Variants in HNRNPLL observed in about 807,000 individuals in gnomAD.
HNRNPLL encodes heterogeneous nuclear ribonucleoprotein L-like.
In HNRNPLL, 25 loss-of-function variants were observed where a neutral mutation model predicts 67.1. That is an observed-to-expected ratio of 0.37 (90% CI 0.27 to 0.52). The LOEUF (loss-of-function observed/expected upper bound fraction) is 0.52, where lower values mean the gene tolerates loss of function less well. Ranked by LOEUF, HNRNPLL falls within the 20% of genes least tolerant of loss-of-function variation. The pLI is 0.90. For synonymous variants in HNRNPLL, 267 were observed against 241.7 expected (o/e 1.10, Z -0.97); for missense variants, 542 against 673.9 (o/e 0.80, Z 2.17).
Position 38,585,666 on chromosome 2 carries a change from T to C in HNRNPLL, c.524A>G (p.Asn175Ser). Residue 175 changes from asparagine (N) to serine (S), a missense_variant, in exon 3 of 13, where the codon AAT becomes AGT. Transcript: ENST00000449105. ...TACCACTGTAATTGGATAAAGCGGA[T>C]TCTGAATTGAGAGCAGAAGAACTTT... Reference protein sequence around the residue: ...GNKVLLLSIQNPLYPITVDVL... With the variant: ...GNKVLLLSIQSPLYPITVDVL... 1 of 1,603,528 alleles carries C rather than the reference T, an allele frequency of 6.2e-7. No homozygotes were observed. Among genetic ancestry groups the C allele is most frequent in the East Asian group, 2.2e-5 (1 of 44,820 alleles).
chr2:38,583,411 C>T (rs1409968867), intron 4 of HNRNPLL, among the ~76,000 whole-genome samples: 1 of 152,090 alleles, frequency 6.6e-6, no homozygotes, highest in Admixed American at 6.6e-5. Flanking sequence ...TTGTAACTTG[C>T]TCTTCTTACT....
Position 38,562,038 on chromosome 2 carries a change from A to AAT in HNRNPLL, c.*2142_*2143dup, listed in dbSNP as rs1665696606. 1 of 152,196 alleles carries AAT rather than the reference A, an allele frequency of 6.6e-6. No homozygotes were observed. Among genetic ancestry groups the AAT allele is most frequent in the South Asian group, 2.1e-4 (1 of 4,832 alleles). 9.4% of individuals were successfully genotyped at this position (152,196 alleles called of 1,614,324 possible). On this transcript the variant is annotated 3_prime_UTR_variant, in exon 13 of 13. Transcript: ENST00000449105. ...GATTTGGATACAGAGATGGGATTTC[A>AAT]ATATTTTTTTTAAAAACTCAAAGCT...
intron 10 of HNRNPLL, among the ~76,000 whole-genome samples, chr2:38,568,686 T>C (rs978736277): frequency 2.6e-5 from 4 of 152,196 alleles, no homozygotes; most frequent in African/African-American, 9.6e-5. Flanking sequence ...AACTAAAATA[T>C]ATATTCTCAG....
chr2:38,583,693 G>T, intron 4 of HNRNPLL, 148 bp downstream of exon 4: 2 of 453,524 alleles, frequency 4.4e-6, no homozygotes, highest in African/African-American at 2.0e-5. Flanking sequence ...AATTCCCTAT[G>T]AGTACTGCAG....
chr2:38,591,765 C>A, intron 1 of HNRNPLL, 117 bp from the exon 2 acceptor site: 1 of 572,476 alleles, frequency 1.7e-6, no homozygotes, highest in Non-Finnish European at 3.1e-6. Flanking sequence ...CATTTGAGGT[C>A]AGGAGTTCGA....
chr2:38,582,823 G>A (rs1225660900), intron 4 of HNRNPLL, among the ~76,000 whole-genome samples: 1 of 150,390 alleles, frequency 6.6e-6, no homozygotes, highest in Admixed American at 6.6e-5. Context: ...GGGAGGCTGA[G>A]ACACGGGAAT....
At chr2:38,601,579 C>G (rs1287801073) in intron 1 of HNRNPLL, 1 of 152,194 alleles carries the variant, frequency 6.6e-6, no homozygotes, top group Non-Finnish European at 1.5e-5. Context: ...TAACTACTTG[C>G]TGTGGACAAA....
intron 12 of HNRNPLL, among the ~76,000 whole-genome samples, chr2:38,564,759 C>G (rs1665791911): frequency 6.6e-6 from 1 of 151,852 alleles, no homozygotes; most frequent in African/African-American, 2.4e-5. Context: ...GTCTGGCACT[C>G]AATTTTTTTT....
chr2:38,574,807 A>T (rs767244241), intron 7 of HNRNPLL, among the ~76,000 whole-genome samples: 8 of 151,900 alleles, frequency 5.3e-5, no homozygotes, highest in Non-Finnish European at 1.2e-4. Context: ...TTAACAAAAC[A>T]ATCCATATGA....
At chr2:38,573,126 C>T in intron 8 of HNRNPLL, 84 bp downstream of exon 8, 1 of 846,122 alleles carries the variant, frequency 1.2e-6, no homozygotes, top group Non-Finnish European at 1.9e-6. Flanking sequence ...ATTCCTGATA[C>T]AAGGAGAAGA....
rs749832119 is a variant in HNRNPLL, at chr2:38,569,277, G to C, written c.1272C>G (p.Thr424=). The change falls in exon 10 of 13, where the codon ACC becomes ACG. Residue 424 remains threonine, a synonymous_variant. Transcript: ENST00000449105. ...TCATTGCAAAATCTTTGTAGCTGCTGGTACCATCCTCCAGCTCAAATATTT... is the reference window on the plus strand; with the variant it reads ...TCATTGCAAAATCTTTGTAGCTGCTCGTACCATCCTCCAGCTCAAATATTT... ...PSQIFELEDG[T]SSYKDFAMSK... 17 of 1,612,948 alleles carry C rather than the reference G, an allele frequency of 1.1e-5. No homozygotes were observed. The South Asian group carries it at 1.9e-4, about 18-fold the overall frequency.
intron 3 of HNRNPLL, among the ~76,000 whole-genome samples, chr2:38,584,895 C>T (rs889918299): frequency 2.0e-5 from 3 of 151,780 alleles, no homozygotes; most frequent in East Asian, 1.9e-4. Context: ...CATGTTTTCC[C>T]AACACCGAAT....
At chr2:38,573,715 T>C (rs1015604622) in intron 7 of HNRNPLL, among the ~76,000 whole-genome samples, 1 of 151,852 alleles carries the variant, frequency 6.6e-6, no homozygotes, top group Non-Finnish European at 1.5e-5. Context: ...TATGGGGGGT[T>C]AAGAAAATGA....
At chr2:38,570,636 T>TA in intron 8 of HNRNPLL, among the ~76,000 whole-genome samples, 1 of 152,298 alleles carries the variant, frequency 6.6e-6, no homozygotes, top group South Asian at 2.1e-4. Flanking sequence ...TGAAGTATGA[T>TA]ATCATTCAGC....
chr2:38,602,192 C>T (rs1667468203), intron 1 of HNRNPLL: 2 of 489,244 alleles, frequency 4.1e-6, no homozygotes, highest in Non-Finnish European at 7.1e-6. Flanking sequence ...GCGACCCTCC[C>T]CAAGTTCAGG....
At chr2:38,597,691 A>AT (rs5830538) in intron 1 of HNRNPLL, among the ~76,000 whole-genome samples, 4,584 of 143,352 alleles carry the variant, frequency 0.032, 89 homozygotes, top group South Asian at 0.074. Context: ...AACTTTTTTT[A>AT]TTTTTTTTTT....
intron 12 of HNRNPLL, chr2:38,566,108 C>A: frequency 1.0e-6 from 1 of 987,618 alleles, no homozygotes; most frequent in Non-Finnish European, 1.2e-6. Context: ...TTTTCTCACG[C>A]CTGTAATCCC....
chr2:38,571,136 T>C (rs1666062321), intron 8 of HNRNPLL, among the ~76,000 whole-genome samples: 1 of 152,150 alleles, frequency 6.6e-6, no homozygotes, highest in Non-Finnish European at 1.5e-5. Flanking sequence ...ACATAGTATA[T>C]ACTATATATA....
intron 7 of HNRNPLL, among the ~76,000 whole-genome samples, chr2:38,576,526 T>C (rs1486912334): frequency 2.0e-5 from 3 of 151,726 alleles, no homozygotes; most frequent in East Asian, 3.9e-4. Flanking sequence ...ATATAGACTA[T>C]GGAACCTTGA....
Sources: gnomAD v4.1 joint callset for allele counts (sites outside exome capture counted in the v4.1 genomes callset) on GRCh38, gnomAD v4.1.1 for gene constraint, MANE v1.5 for transcripts, NCBI Gene and HGNC (gene_info 2026-07-23, HGNC 2026-07-21) for gene names.